FRMD4B: variants seen among roughly 807,000 people sequenced by gnomAD.
FRMD4B encodes FERM domain-containing protein 4B.
Under a neutral mutation model 141.5 loss-of-function variants are expected in FRMD4B, and 74 were observed. That is an observed-to-expected ratio of 0.52 (90% CI 0.43 to 0.63). The LOEUF is 0.63. Ranked by LOEUF, FRMD4B falls within the 30% of genes least tolerant of loss-of-function variation. FRMD4B has a pLI of 0.00. For synonymous variants in FRMD4B, 506 were observed against 467.9 expected, an observed-to-expected ratio of 1.08 and a Z score of -1.05; for missense variants, 1,366 against 1,253.4, an observed-to-expected ratio of 1.09 and a Z score of -1.36.
chr3:69,327,905 C>T (rs1005537185), intron 1 of FRMD4B, among the ~76,000 whole-genome samples: 12 of 152,188 alleles, frequency 7.9e-5, no homozygotes, highest in African/African-American at 2.9e-4. Flanking sequence ...TTCCTTGTCA[C>T]CTAATGCAGG....
chr3:69,347,808 G>C (rs1702997159), intron 1 of FRMD4B, among the ~76,000 whole-genome samples: 1 of 152,186 alleles, frequency 6.6e-6, no homozygotes, highest in South Asian at 2.1e-4. Flanking sequence ...CAACATACCA[G>C]AATCTCTGGG....
upstream of FRMD4B, among the ~76,000 whole-genome samples, chr3:69,387,354 C>G (rs1453408627): frequency 1.3e-5 from 2 of 152,156 alleles, no homozygotes; most frequent in Non-Finnish European, 2.9e-5. Context: ...TGGGCTCAAG[C>G]AATCTTCCAG....
rs74821045 is a variant in FRMD4B, at chr3:69,535,468, A to T, written c.-129+6738T>A. ...ACCATGTGCTGCTATCGTTACCATT[A>T]GTTCTACTATTATTTGTTGAGCCTT... On this transcript the variant is annotated intron_variant, in intron 1 of 5. Transcript: ENST00000459638. 4.7e-3 allele frequency among the ~76,000 whole-genome samples: 714 copies of T among 152,342 alleles called. 3 individuals carry two copies. Among genetic ancestry groups the T allele is most frequent in the African/African-American group, 0.016 (685 of 41,566 alleles).
intron 1 of FRMD4B, among the ~76,000 whole-genome samples, chr3:69,486,202 G>A (rs1159727388): frequency 6.6e-6 from 1 of 152,122 alleles, no homozygotes; most frequent in African/African-American, 2.4e-5. Flanking sequence ...TCTAACTGTT[G>A]CCAACTAATT....
intron 1 of FRMD4B, among the ~76,000 whole-genome samples, chr3:69,361,845 C>T (rs1177325243): frequency 1.3e-5 from 2 of 152,180 alleles, no homozygotes; most frequent in African/African-American, 4.8e-5. Context: ...TGTGTGTGCA[C>T]ATGCATATGT....
chr3:69,182,562 A>C, intron 20 of FRMD4B, 36 bp downstream of exon 20: 1 of 1,561,858 alleles, frequency 6.4e-7, no homozygotes, highest in African/African-American at 1.4e-5. Flanking sequence ...AGCAAAAATC[A>C]AGACAGCTAA....
chr3:69,307,999 T>A (rs1342875471), intron 3 of FRMD4B, among the ~76,000 whole-genome samples: 1 of 152,190 alleles, frequency 6.6e-6, no homozygotes, highest in Non-Finnish European at 1.5e-5. Context: ...AACTCTTGCC[T>A]AGGATGTCAC....
chr3:69,343,377 T>C (rs1347521815), intron 1 of FRMD4B, among the ~76,000 whole-genome samples: 1 of 152,148 alleles, frequency 6.6e-6, no homozygotes, highest in Non-Finnish European at 1.5e-5. Flanking sequence ...CTTCCTCTCT[T>C]TGTCCGTTAG....
chr3:69,486,654 G>C (rs1706220769), intron 1 of FRMD4B, among the ~76,000 whole-genome samples: 1 of 152,156 alleles, frequency 6.6e-6, no homozygotes, highest in South Asian at 2.1e-4. Context: ...ATAAGGAGAA[G>C]GGAGAGACAG....
At chr3:69,385,745 A>C in intron 1 of FRMD4B, 83 bp downstream of exon 1, 1 of 1,222,220 alleles carries the variant, frequency 8.2e-7, no homozygotes, top group Non-Finnish European at 1.1e-6. Context: ...GCTGGGGGGA[A>C]TAAAATCATA....
At chr3:69,445,632 T>C (rs937865671) in intron 1 of FRMD4B, among the ~76,000 whole-genome samples, 2 of 152,192 alleles carry the variant, frequency 1.3e-5, no homozygotes, top group East Asian at 1.9e-4. Flanking sequence ...ACACCCCACA[T>C]TGGCCTCCTT....
At chr3:69,181,744 A>C (rs761280389) in intron 20 of FRMD4B, 34 bp from the exon 21 acceptor site, 1 of 1,340,702 alleles carries the variant, frequency 7.5e-7, no homozygotes, top group Non-Finnish European at 1.0e-6. Flanking sequence ...TCTCAACACC[A>C]AGAAGAAAAG....
intron 1 of FRMD4B, among the ~76,000 whole-genome samples, chr3:69,507,971 G>T (rs568739966): frequency 6.6e-6 from 1 of 152,278 alleles, no homozygotes; most frequent in East Asian, 1.9e-4. Context: ...CTTAAGGCAT[G>T]AAATCTCTAA....
chr3:69,363,264 TAAATAGAGA>T (rs1703528521), intron 1 of FRMD4B, among the ~76,000 whole-genome samples: 1 of 150,520 alleles, frequency 6.6e-6, no homozygotes. Flanking sequence ...TTTTTTTTTT[TAAATAGAGA>T]TGGGTCTTGC....
chr3:69,217,345 G>A (rs913251741), intron 10 of FRMD4B, among the ~76,000 whole-genome samples: 1 of 152,178 alleles, frequency 6.6e-6, no homozygotes, highest in African/African-American at 2.4e-5. Flanking sequence ...TGGAGGCCAG[G>A]CGTGGTGGTT....
intron 1 of FRMD4B, among the ~76,000 whole-genome samples, chr3:69,486,773 C>G (rs1414203285): frequency 6.6e-6 from 1 of 152,174 alleles, no homozygotes; most frequent in Non-Finnish European, 1.5e-5. Context: ...GAAGAGAAAA[C>G]CCATACACTG....
chr3:69,281,835 A>AT (rs1375003771), intron 5 of FRMD4B, among the ~76,000 whole-genome samples: 717 of 43,532 alleles, frequency 0.016, 3 homozygotes, highest in Admixed American at 0.04. Context: ...AAAAAAAAAA[A>AT]AAAATATATA....
intron 11 of FRMD4B, chr3:69,200,358 TAA>T: frequency 1.1e-6 from 1 of 873,852 alleles, no homozygotes; most frequent in Non-Finnish European, 1.4e-6. Flanking sequence ...AATAAAAGTA[TAA>T]AGTTACATAC....
At chr3:69,323,608 GTATATATATATATATATATATATATATA>G (rs55847019) in intron 1 of FRMD4B, among the ~76,000 whole-genome samples, 1,930 of 101,698 alleles carry the variant, frequency 0.019, 85 homozygotes, top group African/African-American at 0.061. Context: ...CTCTCTCTGT[GTATATATATATATATATATATATATATA>G]TATATATATA....
Sources: gnomAD v4.1 joint callset for allele counts (sites outside exome capture counted in the v4.1 genomes callset) on GRCh38, gnomAD v4.1.1 for gene constraint, MANE v1.5 for transcripts, NCBI Gene and HGNC (gene_info 2026-07-23, HGNC 2026-07-21) for gene names.